The following ABTB3 variants were observed in gnomAD, a reference collection of about 807,000 sequenced individuals.
ABTB3 encodes the protein ankyrin repeat- and BTB/POZ domain-containing protein 3.
the ABTB3 span, among the ~76,000 whole-genome samples, chr12:107,488,275 G>C: frequency 6.6e-6 from 1 of 152,128 alleles, no homozygotes; most frequent in Non-Finnish European, 1.5e-5. Flanking sequence ...CTGTGACTCA[G>C]TTGGGGTCAT....
the ABTB3 span, among the ~76,000 whole-genome samples, chr12:107,531,302 CA>C: frequency 6.6e-6 from 1 of 152,172 alleles, no homozygotes; most frequent in African/African-American, 2.4e-5. Context: ...ATTACTGCTG[CA>C]AAATTGAAAT....
the ABTB3 span, among the ~76,000 whole-genome samples, chr12:107,375,291 G>A: frequency 6.6e-6 from 1 of 152,138 alleles, no homozygotes; most frequent in African/African-American, 2.4e-5. Context: ...GGTGACATGT[G>A]CCTGTGATCC....
chr12:107,561,169 C>T, the ABTB3 span, among the ~76,000 whole-genome samples: 1 of 152,136 alleles, frequency 6.6e-6, no homozygotes, highest in African/African-American at 2.4e-5. Flanking sequence ...TGTATTAGTC[C>T]CTTACATAGA....
the ABTB3 span, among the ~76,000 whole-genome samples, chr12:107,525,241 C>A: frequency 7.0e-6 from 1 of 142,134 alleles, no homozygotes; most frequent in South Asian, 2.3e-4. Context: ...GTGGGAGGAT[C>A]GCTTGAGCAC....
chr12:107,337,775 G>A, the ABTB3 span, among the ~76,000 whole-genome samples: 1,112 of 152,322 alleles, frequency 7.3e-3, 22 homozygotes, highest in African/African-American at 0.025. Context: ...GTGTCTAGAT[G>A]TTGTTAAGGC....
the ABTB3 span, among the ~76,000 whole-genome samples, chr12:107,371,389 T>G: frequency 7.9e-5 from 12 of 152,286 alleles, no homozygotes; most frequent in African/African-American, 2.9e-4. Flanking sequence ...ACTAAGCTGC[T>G]GTCCTGCCAG....
the ABTB3 span, among the ~76,000 whole-genome samples, chr12:107,606,540 G>A: frequency 6.6e-5 from 10 of 152,028 alleles, no homozygotes; most frequent in Admixed American, 2.0e-4. Flanking sequence ...GCCCAATAAC[G>A]TTTATCCAGT....
At chr12:107,604,722 T>C in the ABTB3 span, among the ~76,000 whole-genome samples, 1 of 152,062 alleles carries the variant, frequency 6.6e-6, no homozygotes, top group Non-Finnish European at 1.5e-5. Flanking sequence ...CTCAAAAAAT[T>C]AAAAATAGAA....
At chr12:107,608,984 A>G in the ABTB3 span, among the ~76,000 whole-genome samples, 1 of 126,614 alleles carries the variant, frequency 7.9e-6, no homozygotes, top group Non-Finnish European at 1.6e-5. Flanking sequence ...ATAAAATAAA[A>G]TAAAATAAAA....
the ABTB3 span, among the ~76,000 whole-genome samples, chr12:107,342,371 C>T: frequency 5.3e-5 from 8 of 152,088 alleles, no homozygotes. Flanking sequence ...CTTGCTCTGT[C>T]CCTCTGGCTG....
the ABTB3 span, among the ~76,000 whole-genome samples, chr12:107,482,283 G>T: frequency 7.2e-5 from 11 of 152,106 alleles, no homozygotes; most frequent in Admixed American, 1.3e-4. Flanking sequence ...TACCTCCAAA[G>T]GATCTACCCA....
chr12:107,538,899 T>C, the ABTB3 span, among the ~76,000 whole-genome samples: 1 of 152,180 alleles, frequency 6.6e-6, no homozygotes, highest in Non-Finnish European at 1.5e-5. Flanking sequence ...CCTCAGACTC[T>C]TCGTCAGACT....
At chr12:107,658,068 A>G in the ABTB3 span, 1 of 316,854 alleles carries the variant, frequency 3.2e-6, no homozygotes, top group South Asian at 4.0e-5. Context: ...ACTTCACCGT[A>G]CCAACCCTGA....
chr12:107,637,397 A>G, the ABTB3 span, among the ~76,000 whole-genome samples: 1 of 151,928 alleles, frequency 6.6e-6, no homozygotes, highest in Non-Finnish European at 1.5e-5. Flanking sequence ...ATCTCAAAAA[A>G]TTTAAAAAAA....
chr12:107,616,141 A>T, the ABTB3 span, among the ~76,000 whole-genome samples: 1 of 152,162 alleles, frequency 6.6e-6, no homozygotes, highest in Non-Finnish European at 1.5e-5. Flanking sequence ...TGGTAGAGGA[A>T]ACTAAGAAAG....
At chr12:107,494,141 C>T in the ABTB3 span, among the ~76,000 whole-genome samples, 1 of 152,158 alleles carries the variant, frequency 6.6e-6, no homozygotes, top group Non-Finnish European at 1.5e-5. Context: ...GGTAAGAGCC[C>T]AGCTTTGCTC....
At chr12:107,624,051 C>T in the ABTB3 span, among the ~76,000 whole-genome samples, 4 of 152,104 alleles carry the variant, frequency 2.6e-5, no homozygotes, top group African/African-American at 4.8e-5. Flanking sequence ...CTAGTAGGAA[C>T]GTGCTTTGTG....
At chr12:107,537,702 C>T in the ABTB3 span, among the ~76,000 whole-genome samples, 14 of 152,240 alleles carry the variant, frequency 9.2e-5, 1 homozygote, top group South Asian at 1.5e-3. Context: ...CTTCAAACTA[C>T]TTCTCTTTGG....
the ABTB3 span, among the ~76,000 whole-genome samples, chr12:107,346,790 T>A: frequency 1.3e-5 from 2 of 152,162 alleles, no homozygotes; most frequent in African/African-American, 4.8e-5. Flanking sequence ...CAATAAAAAG[T>A]ACAATTTTTA....
Sources: gnomAD v4.1 joint callset for allele counts (sites outside exome capture counted in the v4.1 genomes callset) on GRCh38, gnomAD v4.1.1 for gene constraint, MANE v1.5 for transcripts, NCBI Gene and HGNC (gene_info 2026-07-23, HGNC 2026-07-21) for gene names.